PCGF3: variants seen among roughly 807,000 people sequenced by gnomAD.
PCGF3 encodes polycomb group RING finger protein 3.
Under a neutral mutation model 33.1 loss-of-function variants are expected in PCGF3, and 7 were observed. The observed-to-expected ratio is 0.21, with a 90% CI of 0.12 to 0.40. PCGF3 has a LOEUF of 0.40. Among genes scored for constraint, PCGF3 ranks in the 10% least tolerant of loss-of-function variants. The probability of loss-of-function intolerance (pLI) is 1.00; values close to 1 mark genes in which losing one functional copy is unlikely to be tolerated. For missense variants in PCGF3, 211 were observed against 313.3 expected (o/e 0.67, Z 2.46); for synonymous variants, 153 against 121.3 (o/e 1.26, Z -1.72).
At chr4:738,489 G>A (rs1365186711) in intron 6 of PCGF3, among the ~76,000 whole-genome samples, 3 of 152,200 alleles carry the variant, frequency 2.0e-5, no homozygotes, top group Admixed American at 6.5e-5. Context: ...TGTTTCAGAC[G>A]CGTAGCAGTG....
chr4:715,008 C>T (rs1742747748), intron 1 of PCGF3, among the ~76,000 whole-genome samples: 1 of 145,244 alleles, frequency 6.9e-6, no homozygotes, highest in African/African-American at 2.6e-5. Context: ...TGCTGGGACC[C>T]TGTAGACACT....
intron 8 of PCGF3, among the ~76,000 whole-genome samples, chr4:753,914 C>T (rs965564800): frequency 7.9e-5 from 12 of 152,188 alleles, no homozygotes; most frequent in African/African-American, 2.7e-4. Context: ...GCCTGGGTAA[C>T]AAGAGCGAGA....
intron 4 of PCGF3, 162 bp from the exon 5 acceptor site, chr4:734,769 C>T: frequency 7.1e-6 from 10 of 1,402,958 alleles, no homozygotes; most frequent in East Asian, 2.7e-5. Flanking sequence ...GAGACCAGAA[C>T]GGCAAGATGT....
exon 11 of PCGF3, chr4:769,270 T>C (rs540748819): frequency 7.4e-4 from 113 of 152,844 alleles, no homozygotes; most frequent in African/African-American, 2.6e-3. Context: ...GCTTGTTTTC[T>C]CTGAACAGCA....
At chr4:726,460 C>CT (rs1160951506) in intron 1 of PCGF3, among the ~76,000 whole-genome samples, 1 of 152,258 alleles carries the variant, frequency 6.6e-6, no homozygotes, top group Non-Finnish European at 1.5e-5. Context: ...GGTTGTGGCC[C>CT]TGGAGGCACT....
rs71640348 is a variant in PCGF3 at position 749,476 on chromosome 4, C to CTTTTTTTTTTTTTT, written c.462+4799_462+4812dup. On this transcript the variant is annotated intron_variant, in intron 8 of 10. Coordinates refer to ENST00000362003, the Ensembl canonical transcript of PCGF3. ...ACCATGCCCTGCTGAATTTTCTTTC[C>CTTTTTTTTTTTTTT]TTTTTTTTTTTTTTTTTTTTTTTTG... 6.9e-3 allele frequency among the ~76,000 whole-genome samples: 519 copies of CTTTTTTTTTTTTTT among 75,464 alleles called. 36 individuals are homozygous for CTTTTTTTTTTTTTT. The highest frequency in any genetic ancestry group is 7.7e-3 in the Admixed American group (37 of 4,792). 49.5% of individuals were successfully genotyped at this position (75,464 alleles called of 152,430 possible). A position where few individuals can be genotyped will look rare whatever the true frequency, so the allele number is the denominator to read the frequency against.
chr4:739,379 A>G (rs1006577520), intron 6 of PCGF3, among the ~76,000 whole-genome samples: 1 of 151,974 alleles, frequency 6.6e-6, no homozygotes, highest in Non-Finnish European at 1.5e-5. Context: ...TTTTGTAGGG[A>G]TAGGGTTTTG....
At chr4:762,147 C>T (rs1003123343) in intron 9 of PCGF3, 13 of 916,734 alleles carry the variant, frequency 1.4e-5, no homozygotes, top group African/African-American at 1.3e-4. Context: ...TCCTAACCCC[C>T]AGAGCCTGCA....
At chr4:730,059 A>C (rs1224492045) in intron 1 of PCGF3, among the ~76,000 whole-genome samples, 3 of 150,942 alleles carry the variant, frequency 2.0e-5, no homozygotes, top group Non-Finnish European at 3.0e-5. Context: ...TCCCTGTCTG[A>C]GGCCCCAGGT....
chr4:750,314 G>A lies in PCGF3; in HGVS notation c.462+5626G>A, dbSNP rs914250664. Among the ~76,000 whole-genome samples the A allele has an allele frequency of 3.9e-5, 6 of 152,152 alleles. No individual in the cohort carries two copies. The East Asian group carries it at 5.8e-4, about 15-fold the overall frequency. ...CACTCCTCTTTCTAGTCTCCTTCCC[G>A]GGCGGTCAGGGAGTGTTGTCTACAC... On this transcript the variant is annotated intron_variant, in intron 8 of 10. Transcript: ENST00000362003.
intron 1 of PCGF3, among the ~76,000 whole-genome samples, chr4:722,647 CACACTCGCGTCATCACCTGTCTG>C (rs1743140921): frequency 7.5e-6 from 1 of 133,636 alleles, no homozygotes; most frequent in African/African-American, 2.9e-5. Flanking sequence ...GCGCCGGGTC[CACACTCGCGTCATCACCTGTCTG>C]CGCTGGGTCC....
intron 9 of PCGF3, chr4:762,766 G>A (rs1359738146): frequency 6.6e-6 from 1 of 152,280 alleles, no homozygotes; most frequent in Non-Finnish European, 1.5e-5. Context: ...GGCTGTTATG[G>A]ACTCTGGAAC....
intron 8 of PCGF3, 25 bp from the exon 9 acceptor site, chr4:761,254 C>T (rs1577445986): frequency 7.1e-6 from 11 of 1,556,356 alleles, no homozygotes; most frequent in Non-Finnish European, 9.6e-6. Context: ...TCCTGCTGCG[C>T]TCTCACCAGC....
intron 8 of PCGF3, among the ~76,000 whole-genome samples, chr4:760,332 G>A (rs1286397467): frequency 6.6e-6 from 1 of 151,740 alleles, no homozygotes; most frequent in Non-Finnish European, 1.5e-5. Context: ...TGTTTGAATT[G>A]GTGTGTTTAT....
intron 9 of PCGF3, among the ~76,000 whole-genome samples, chr4:763,733 G>A (rs181670040): frequency 6.6e-6 from 1 of 152,152 alleles, no homozygotes; most frequent in Non-Finnish European, 1.5e-5. Context: ...GAAATCTCCT[G>A]CCCACACAAA....
intron 8 of PCGF3, among the ~76,000 whole-genome samples, chr4:752,908 C>T (rs189647748): frequency 2.2e-4 from 33 of 152,388 alleles, no homozygotes; most frequent in East Asian, 9.6e-4. Flanking sequence ...TCCTGGTGCC[C>T]GTCTGTCCAG....
intron 4 of PCGF3, chr4:734,253 G>A (rs989739375): frequency 4.2e-5 from 62 of 1,480,708 alleles, no homozygotes; most frequent in African/African-American, 1.3e-4. Context: ...TGTGGCTACC[G>A]CTGACGGGCA....
intron 10 of PCGF3, 78 bp downstream of exon 10, chr4:765,142 A>C: frequency 9.9e-7 from 1 of 1,014,814 alleles, no homozygotes; most frequent in Non-Finnish European, 1.5e-6. Context: ...CTAAAATGTT[A>C]AATGACTCCA....
intron 1 of PCGF3, among the ~76,000 whole-genome samples, chr4:712,441 G>GTTTT (rs200989289): frequency 0.017 from 2,533 of 152,154 alleles, 36 homozygotes; most frequent in Non-Finnish European, 0.026. Flanking sequence ...GTTTGTTTTT[G>GTTTT]TTTTTTGTTT....
Sources: allele counts gnomAD v4.1 joint callset (sites outside exome capture counted in the v4.1 genomes callset), GRCh38; gene constraint gnomAD v4.1.1; transcripts MANE v1.5; gene names NCBI Gene and HGNC (gene_info 2026-07-23, HGNC 2026-07-21).